DCST2: variants seen among roughly 807,000 people sequenced by gnomAD.
DCST2 encodes the protein DC-STAMP domain containing 2, also known as DC-STAMP domain-containing protein 2.
Under a neutral mutation model 81.8 loss-of-function variants are expected in DCST2, and 64 were observed. The observed-to-expected ratio is 0.78, with a 90% CI of 0.64 to 0.96. DCST2 has a LOEUF of 0.96. Among genes scored for constraint, DCST2 ranks in the 40% least tolerant of loss-of-function variants. DCST2 has a pLI of 0.00. For synonymous variants in DCST2, 354 were observed against 402.6 expected, an observed-to-expected ratio of 0.88 and a Z score of 1.44; for missense variants, 945 against 1,001.4, an observed-to-expected ratio of 0.94 and a Z score of 0.76.
At chr1:155,020,116 G>A (rs1312076863) in intron 14 of DCST2, among the ~76,000 whole-genome samples, 1 of 152,118 alleles carries the variant, frequency 6.6e-6, no homozygotes, top group Non-Finnish European at 1.5e-5. Context: ...ACCTGGCCCT[G>A]GAGCCCAAAC....
In DCST2 at chr1:155,030,029, G is replaced by C. The variant is rs116757455; in HGVS notation, c.1177+55C>G. On this transcript the variant is annotated intron_variant, in intron 7 of 14. Coordinates refer to ENST00000368424, the MANE Select transcript of DCST2 (RefSeq NM_144622.3). The stretch of plus-strand genomic sequence containing the variant: ...GGGCTTAGGGGCAGGGCAGCGGGGT[G>C]GGGGGAAGCCCTGGCCTCCCTGGCT... 3.2e-3 allele frequency: 5,132 copies of C among 1,603,324 alleles called. 155 individuals carry two copies. The Admixed American group carries it at 0.062, about 19-fold the overall frequency.
chr1:155,026,216 T>C, intron 10 of DCST2, 86 bp downstream of exon 10: 1 of 1,313,690 alleles, frequency 7.6e-7, no homozygotes. Flanking sequence ...CTGAAGGAAG[T>C]CAGCTCCCAA....
rs1660158280 is a variant in DCST2 at position 155,033,284 on chromosome 1, T to C, written c.269-20A>G. The C allele has an allele frequency of 1.2e-6, 2 of 1,602,716 alleles. No homozygotes were observed. The highest frequency in any genetic ancestry group is 8.5e-7 in the Non-Finnish European group (1 of 1,175,382). On this transcript the variant is annotated intron_variant, in intron 1 of 14. Transcript: ENST00000368424. Reference sequence around the variant, plus strand: ...CCTGCCCTGGGGGCGACAGCTTTGTTAGAACCAAGACCCCAGCCCCAAACA... The same window carrying C: ...CCTGCCCTGGGGGCGACAGCTTTGTCAGAACCAAGACCCCAGCCCCAAACA...
intron 3 of DCST2, among the ~76,000 whole-genome samples, chr1:155,032,326 C>T (rs1660119377): frequency 6.8e-6 from 1 of 146,296 alleles, no homozygotes; most frequent in Non-Finnish European, 1.5e-5. Flanking sequence ...GATGGAGTCT[C>T]ACACTGTCAC....
chr1:155,021,831 C>A (rs978873640), intron 14 of DCST2, among the ~76,000 whole-genome samples: 7 of 151,900 alleles, frequency 4.6e-5, no homozygotes, highest in Middle Eastern at 3.2e-3. Context: ...CCTGCTCCTG[C>A]CCAACCTCCA....
rs745630100 is a variant in DCST2 at position 155,023,182 on chromosome 1, T to A, written c.2040A>T (p.Leu680Phe). 221 of 1,614,024 alleles carry A rather than the reference T, an allele frequency of 1.4e-4. 1 individual carries two copies. The Admixed American group carries it at 3.6e-3, about 27-fold the overall frequency. The change falls in exon 14 of 15, where the codon TTA becomes TTT. Residue 680 changes from leucine to phenylalanine, a missense_variant. Leu to Phe is a conservative substitution (Grantham distance 22). Coordinates refer to ENST00000368424, the MANE Select transcript of DCST2 (RefSeq NM_144622.3). The part of the protein sequence containing the change: ...AQRKDPEQAW[L>F]LQQQLQEVLG... ...GCACTTCTTGGAGCTGTTGCTGCAA[T>A]AACCATGCCTGCTCAGGGTCCTTCC...
At chr1:155,022,131 T>G (rs1659774216) in intron 14 of DCST2, among the ~76,000 whole-genome samples, 1 of 152,122 alleles carries the variant, frequency 6.6e-6, no homozygotes, top group Admixed American at 6.6e-5. Context: ...CCTCCCAAAG[T>G]TCTAGGATTA....
Position 155,033,062 on chromosome 1 carries a change from G to A in DCST2, c.439+32C>T, listed in dbSNP as rs200784158. The A allele has an allele frequency of 8.9e-5, 135 of 1,513,262 alleles. No homozygotes were observed. The African/African-American group carries it at 1.0e-3, about 12-fold the overall frequency. 93.7% of individuals were successfully genotyped at this position (1,513,262 alleles called of 1,614,324 possible). A position where few individuals can be genotyped will look rare whatever the true frequency, so the allele number is the denominator to read the frequency against. ...AGGATGAGGGGGGCGAGGGGGGCCC[G>A]TGGGAGACAGTGGTAGAGGTGGGGG... On this transcript the variant is annotated intron_variant, in intron 2 of 14. Transcript: ENST00000368424.
At chr1:155,021,189 T>TG (rs1659745793) in intron 14 of DCST2, among the ~76,000 whole-genome samples, 2 of 151,878 alleles carry the variant, frequency 1.3e-5, no homozygotes, top group Middle Eastern at 6.8e-3. Context: ...TTAGTAGAGA[T>TG]GGGGTTTCAC....
chr1:155,020,614 G>A (rs190036801), intron 14 of DCST2, among the ~76,000 whole-genome samples: 2,691 of 152,042 alleles, frequency 0.018, 23 homozygotes, highest in Non-Finnish European at 0.024. Flanking sequence ...TGATCTGCCC[G>A]CCTCAGCCTC....
intron 4 of DCST2, 59 bp downstream of exon 4, chr1:155,031,515 T>TGACC: frequency 1.6e-6 from 1 of 643,126 alleles, no homozygotes; most frequent in Non-Finnish European, 2.9e-6. Flanking sequence ...ACCCCCACAT[T>TGACC]CCCACCCCAC....
chr1:155,031,014 G>T, intron 5 of DCST2, 155 bp downstream of exon 5: 3 of 803,172 alleles, frequency 3.7e-6, no homozygotes, highest in African/African-American at 1.7e-5. Flanking sequence ...GATCTGTACA[G>T]CATGGATATG....
At position 155,031,636 on chromosome 1, in the gene DCST2, T is replaced by C; in HGVS notation, c.677A>G (p.Gln226Arg). The stretch of plus-strand genomic sequence containing the variant: ...GAGCACGTAACACAGGTGGTAGGCT[T>C]GTGGTATGACCATCATGCAGCTGTC... The part of the protein sequence containing the change: ...AKDSCMMVIP[Q>R]AYHLCYVLMP... The change falls in exon 4 of 15, where the codon CAA becomes CGA. Residue 226 changes from glutamine (Q) to arginine (R), a missense_variant. Physicochemically the swap from Gln to Arg is conservative, Grantham distance 43. Transcript: ENST00000368424. 6.2e-7 allele frequency: 1 copy of C among 1,613,790 alleles called. No homozygotes were observed. The highest frequency in any genetic ancestry group is 1.6e-4 in the Middle Eastern group (1 of 6,062).
chr1:155,026,584 G>A lies in DCST2; in HGVS notation c.1474C>T (p.Pro492Ser). Residue 492 changes from proline to serine, a missense_variant, in exon 9 of 15, where the codon CCC becomes TCC. Transcript: ENST00000368424. ...TAGCCAGTGCTGTCAGGCTCCGAGG[G>A]ACGAAGGAGACAACGCCGGGACAAA... is the stretch of plus-strand genomic sequence containing the variant. ...SILSRRCLLR[P>S]SEPDSTGYIV... 1.2e-6 allele frequency: 2 copies of A among 1,614,198 alleles called. No homozygotes were observed. The highest frequency in any genetic ancestry group is 1.7e-6 in the Non-Finnish European group (2 of 1,180,036).
chr1:155,023,979 C>T lies in DCST2; in HGVS notation c.1743-20G>A. On this transcript the variant is annotated intron_variant, in intron 11 of 14. Coordinates refer to ENST00000368424, the MANE Select transcript of DCST2 (RefSeq NM_144622.3). Reference sequence around the variant, plus strand: ...GGGCACCTGAGAAAAGGGTCACAGACACTAAGCAGGCCAGCCCAGCCAGCT... The same window carrying T: ...GGGCACCTGAGAAAAGGGTCACAGATACTAAGCAGGCCAGCCCAGCCAGCT... The T allele has an allele frequency of 6.2e-7, 1 of 1,609,176 alleles. No homozygotes were observed. Among genetic ancestry groups the T allele is most frequent in the South Asian group, 1.1e-5 (1 of 90,550 alleles).
intron 8 of DCST2, among the ~76,000 whole-genome samples, chr1:155,028,868 CAAAAAAAAAA>C (rs71767777): frequency 5.9e-5 from 6 of 101,506 alleles, no homozygotes; most frequent in Non-Finnish European, 1.2e-4. Flanking sequence ...GACTCTGTCT[CAAAAAAAAAA>C]AAAAAAAAAG....
At chr1:155,032,850 G>C in intron 2 of DCST2, 82 bp from the exon 3 acceptor site, 1 of 1,325,108 alleles carries the variant, frequency 7.5e-7, no homozygotes, top group Non-Finnish European at 1.1e-6. Context: ...GCAGGGAGTA[G>C]AGAGGAGGCC....
chr1:155,025,802 G>A (rs1031806907), intron 10 of DCST2, among the ~76,000 whole-genome samples: 12 of 149,566 alleles, frequency 8.0e-5, no homozygotes, highest in South Asian at 2.1e-4. Context: ...CGGCTCAAGC[G>A]ATCCTCCCTA....
At chr1:155,024,648 G>C (rs1177491206) in intron 10 of DCST2, 46 bp from the exon 11 acceptor site, 2 of 1,537,368 alleles carry the variant, frequency 1.3e-6, no homozygotes, top group African/African-American at 2.8e-5. Context: ...ACCCTGTTTT[G>C]TCTGCCTGGA....
Sources: allele counts gnomAD v4.1 joint callset (sites outside exome capture counted in the v4.1 genomes callset), GRCh38; gene constraint gnomAD v4.1.1; transcripts MANE v1.5; gene names NCBI Gene and HGNC (gene_info 2026-07-23, HGNC 2026-07-21).